The following MBNL2 variants were observed in gnomAD, a reference collection of about 807,000 sequenced individuals.
MBNL2 encodes muscleblind-like protein 2.
Under a neutral mutation model 41.9 loss-of-function variants are expected in MBNL2, and 17 were observed. The ratio of observed to expected loss-of-function variants is 0.41; its 90% CI spans 0.28 to 0.61. MBNL2 has a LOEUF of 0.61. MBNL2 is among the 20% of genes least tolerant of loss of function. The pLI is 0.35. For synonymous variants in MBNL2, 195 were observed against 182.9 expected, an observed-to-expected ratio of 1.07 and a Z score of -0.53; for missense variants, 336 against 505.6, an observed-to-expected ratio of 0.66 and a Z score of 3.22.
the MBNL2 span, among the ~76,000 whole-genome samples, chr13:97,180,962 A>G: frequency 1.3e-4 from 20 of 151,986 alleles, no homozygotes; most frequent in Admixed American, 7.9e-4. Flanking sequence ...GGGATAATCT[A>G]TTCTCTTGCC....
chr13:97,265,897 G>A (rs1053399930), intron 1 of MBNL2, among the ~76,000 whole-genome samples: 4 of 151,986 alleles, frequency 2.6e-5, no homozygotes, highest in Non-Finnish European at 5.9e-5. Flanking sequence ...AGAAAAGCTG[G>A]TCTTGTCCTT....
chr13:97,218,740 A>G (rs370179491), upstream of MBNL2, among the ~76,000 whole-genome samples: 56 of 152,184 alleles, frequency 3.7e-4, no homozygotes, highest in Non-Finnish European at 4.7e-4. Flanking sequence ...AGGAAAGAAG[A>G]AGGAGGAGGA....
intron 1 of MBNL2, among the ~76,000 whole-genome samples, chr13:97,243,930 G>C (rs1452354325): frequency 6.6e-6 from 1 of 152,018 alleles, no homozygotes; most frequent in Non-Finnish European, 1.5e-5. Context: ...AAACTTCTCT[G>C]TGGGCTTCTA....
At chr13:97,265,990 C>T (rs894747934) in intron 1 of MBNL2, among the ~76,000 whole-genome samples, 5 of 151,904 alleles carry the variant, frequency 3.3e-5, no homozygotes, top group Non-Finnish European at 2.9e-5. Context: ...CCTTGTAATC[C>T]CAGCACTTTG....
chr13:97,321,340 CTGGG>C (rs2059485946), intron 2 of MBNL2, among the ~76,000 whole-genome samples: 1 of 152,178 alleles, frequency 6.6e-6, no homozygotes, highest in Admixed American at 6.5e-5. Flanking sequence ...GGGGAAGATG[CTGGG>C]ACTGTGGAAG....
rs2066411993 is a variant in MBNL2, at chr13:97,392,681, A to G, written c.*1232A>G. On this transcript the variant is annotated 3_prime_UTR_variant, in exon 9 of 9. Coordinates refer to ENST00000679496, the MANE Select transcript of MBNL2 (RefSeq NM_001382683.1). ...ATAGCGATACAATTAAATTTTGTTCAGAAAGTTTGTTTTAAAGTTTATTTT... is the reference window on the plus strand; with the variant it reads ...ATAGCGATACAATTAAATTTTGTTCGGAAAGTTTGTTTTAAAGTTTATTTT... The G allele has an allele frequency of 6.6e-6, 1 of 152,454 alleles. No homozygotes were observed. The highest frequency in any genetic ancestry group is 1.5e-5 in the Non-Finnish European group (1 of 67,928). 9.4% of individuals were successfully genotyped at this position (152,454 alleles called of 1,614,324 possible).
intron 8 of MBNL2, among the ~76,000 whole-genome samples, chr13:97,383,809 C>A (rs2065694754): frequency 6.6e-6 from 1 of 152,136 alleles, no homozygotes; most frequent in South Asian, 2.1e-4. Flanking sequence ...CACTGCCCAA[C>A]CTCCGAACAA....
intron 1 of MBNL2, among the ~76,000 whole-genome samples, chr13:97,260,998 A>G (rs879273592): frequency 2.6e-5 from 4 of 152,058 alleles, no homozygotes; most frequent in African/African-American, 9.7e-5. Flanking sequence ...TGTCTTGCCA[A>G]TGAAGATGCT....
intron 8 of MBNL2, among the ~76,000 whole-genome samples, chr13:97,365,615 A>G (rs1170440862): frequency 1.3e-5 from 2 of 152,160 alleles, no homozygotes; most frequent in Non-Finnish European, 2.9e-5. Context: ...TTATAAATGG[A>G]TGTATTTTGA....
rs766318655 is a variant in MBNL2, at chr13:97,391,353, G to A, written c.1080G>A (p.Met360Ile). The A allele has an allele frequency of 6.4e-7, 1 of 1,563,610 alleles. No homozygotes were observed. Among genetic ancestry groups the A allele is most frequent in the Non-Finnish European group, 8.8e-7 (1 of 1,134,648 alleles). The change falls in exon 9 of 9, where the codon ATG becomes ATA. Residue 360 changes from methionine (M) to isoleucine (I), a missense_variant. Coordinates refer to ENST00000679496, the MANE Select transcript of MBNL2 (RefSeq NM_001382683.1). ...DNSEIISRNG[M>I]ECQESALRIT... Reference sequence around the variant, plus strand: ...CTGAAATAATCAGCAGAAACGGAATGGAATGCCAAGAATCTGCATTGAGAA... The same window carrying A: ...CTGAAATAATCAGCAGAAACGGAATAGAATGCCAAGAATCTGCATTGAGAA...
intron 2 of MBNL2, among the ~76,000 whole-genome samples, chr13:97,295,931 A>C (rs746916069): frequency 7.2e-5 from 11 of 152,230 alleles, no homozygotes; most frequent in African/African-American, 1.2e-4. Context: ...TAGGAAACCA[A>C]CAAAATATAT....
At chr13:97,239,286 C>G (rs536268483) in intron 1 of MBNL2, among the ~76,000 whole-genome samples, 1 of 152,314 alleles carries the variant, frequency 6.6e-6, no homozygotes, top group South Asian at 2.1e-4. Flanking sequence ...ATAGATACCT[C>G]ATATGGAATA....
At chr13:97,163,393 C>A in the MBNL2 span, among the ~76,000 whole-genome samples, 2 of 152,106 alleles carry the variant, frequency 1.3e-5, no homozygotes, top group African/African-American at 4.8e-5. Flanking sequence ...CCCTCACCAC[C>A]TAACTGGGAT....
intron 2 of MBNL2, among the ~76,000 whole-genome samples, chr13:97,326,070 A>G (rs937002934): frequency 1.1e-4 from 17 of 152,230 alleles, no homozygotes; most frequent in Non-Finnish European, 2.4e-4. Flanking sequence ...AGGTAAAAGC[A>G]CTATCATTAG....
chr13:97,270,745 T>C (rs1051290571), intron 1 of MBNL2, among the ~76,000 whole-genome samples: 11 of 152,184 alleles, frequency 7.2e-5, no homozygotes, highest in African/African-American at 2.7e-4. Context: ...CTATTACATC[T>C]ATATGTTGGC....
chr13:97,345,111 AT>A (rs1176474519), intron 4 of MBNL2, among the ~76,000 whole-genome samples: 1 of 152,218 alleles, frequency 6.6e-6, no homozygotes, highest in African/African-American at 2.4e-5. Flanking sequence ...CAATCTGGTG[AT>A]TTATGCTATC....
chr13:97,239,847 A>G (rs1374425819), intron 1 of MBNL2, among the ~76,000 whole-genome samples: 3 of 152,224 alleles, frequency 2.0e-5, no homozygotes. Context: ...TTTGCCCTTG[A>G]GGGCCACTCG....
At chr13:97,166,462 C>CCG in the MBNL2 span, among the ~76,000 whole-genome samples, 1 of 151,850 alleles carries the variant, frequency 6.6e-6, no homozygotes, top group Non-Finnish European at 1.5e-5. Context: ...TTGTGTATGT[C>CCG]TGAGGGTGTT....
chr13:97,175,518 T>G, the MBNL2 span, among the ~76,000 whole-genome samples: 2 of 152,218 alleles, frequency 1.3e-5, no homozygotes, highest in Non-Finnish European at 2.9e-5. Flanking sequence ...GCCCCTGGAA[T>G]GAGATGGTGG....
Sources: gnomAD v4.1 joint callset for allele counts (sites outside exome capture counted in the v4.1 genomes callset) on GRCh38, gnomAD v4.1.1 for gene constraint, MANE v1.5 for transcripts, NCBI Gene and HGNC (gene_info 2026-07-23, HGNC 2026-07-21) for gene names.